The following CRIM1 variants were observed in gnomAD, a reference collection of about 807,000 sequenced individuals.
CRIM1 encodes the protein cysteine rich transmembrane BMP regulator 1.
In CRIM1, 32 loss-of-function variants were observed where a neutral mutation model predicts 116.4. The observed-to-expected ratio is 0.27, with a 90% CI of 0.21 to 0.37. The LOEUF is 0.37. Among genes scored for constraint, CRIM1 ranks in the 10% least tolerant of loss-of-function variants. The pLI, the probability that CRIM1 is intolerant of heterozygous loss-of-function variation, is 1.00. For synonymous variants in CRIM1, 590 were observed against 509.2 expected (o/e 1.16, Z -2.13); for missense variants, 1,331 against 1,354.8 (o/e 0.98, Z 0.28).
intron 2 of CRIM1, among the ~76,000 whole-genome samples, chr2:36,427,687 G>C (rs1344638506): frequency 6.6e-6 from 1 of 152,174 alleles, no homozygotes; most frequent in African/African-American, 2.4e-5. Context: ...TAAACTTCTG[G>C]GGATTCAGTT....
At chr2:36,519,167 A>G (rs775000110) in intron 12 of CRIM1, among the ~76,000 whole-genome samples, 3 of 152,180 alleles carry the variant, frequency 2.0e-5, no homozygotes, top group Non-Finnish European at 4.4e-5. Context: ...TGCCTCCAGG[A>G]CCACTAGCTG....
At chr2:36,521,917 T>C (rs955507297) in intron 12 of CRIM1, among the ~76,000 whole-genome samples, 175 bp from the exon 13 acceptor site, 11 of 152,236 alleles carry the variant, frequency 7.2e-5, no homozygotes, top group African/African-American at 2.7e-4. Context: ...ATCTTTGTTA[T>C]TTTGTTTAAA....
rs767819571 is a variant in CRIM1, at chr2:36,356,258, C to G, written c.-35C>G. On this transcript the variant is annotated 5_prime_UTR_variant, in exon 1 of 17. Coordinates refer to ENST00000280527, the MANE Select transcript of CRIM1 (RefSeq NM_016441.3). This position sits in a 1 kb window ranked among gnomAD's most constrained non-coding sequence, Gnocchi z 4.3. ...GAGGGCGCCCGCCCCGCTCCCGGCC[C>G]GGCTGCGAGGAGGAGGCGGCGGCGG... The G allele has an allele frequency of 9.5e-5, 122 of 1,282,368 alleles. 1 individual carries two copies. The highest frequency in any genetic ancestry group is 4.1e-4 in the African/African-American group (26 of 63,586). The allele number at this position is 1,282,368 out of a possible 1,614,324, so 79.4% of individuals were successfully genotyped here.
chr2:36,356,209 G>C lies in CRIM1; in HGVS notation c.-84G>C. 1 of 601,596 alleles carries C rather than the reference G, an allele frequency of 1.7e-6. No individual in the cohort carries two copies. The highest frequency in any genetic ancestry group is 2.3e-6 in the Non-Finnish European group (1 of 426,722). 37.3% of individuals were successfully genotyped at this position (601,596 alleles called of 1,614,324 possible). ...ACCGCGGGCTGCTGGTGCGGCGGCG[G>C]CGGCGCGTGTGCCCCGCGCAGGGGA... On this transcript the variant is annotated 5_prime_UTR_variant, in exon 1 of 17. Coordinates refer to ENST00000280527, the MANE Select transcript of CRIM1 (RefSeq NM_016441.3). This position sits in a 1 kb window ranked among gnomAD's most constrained non-coding sequence, Gnocchi z 4.3.
intron 2 of CRIM1, among the ~76,000 whole-genome samples, chr2:36,418,861 T>C (rs1673833706): frequency 6.6e-6 from 1 of 152,140 alleles, no homozygotes; most frequent in Admixed American, 6.6e-5. Flanking sequence ...CTAGGCACCT[T>C]CCTTGCCCTC....
intron 2 of CRIM1, among the ~76,000 whole-genome samples, chr2:36,440,313 CT>C (rs1675704758): frequency 6.6e-6 from 1 of 152,230 alleles, no homozygotes; most frequent in Admixed American, 6.5e-5. Context: ...CCAATTAACA[CT>C]TACGGAAACA....
chr2:36,485,431 T>G (rs185186246), intron 7 of CRIM1, among the ~76,000 whole-genome samples: 102 of 152,340 alleles, frequency 6.7e-4, no homozygotes, highest in Admixed American at 2.2e-3. Context: ...TATTGTCGTC[T>G]TCTTCATCAA....
intron 2 of CRIM1, among the ~76,000 whole-genome samples, chr2:36,433,437 T>C (rs1229591734): frequency 2.0e-5 from 3 of 152,224 alleles, no homozygotes; most frequent in Non-Finnish European, 4.4e-5. Flanking sequence ...GGCTCAGTGC[T>C]TCTTTGGCAC....
intron 8 of CRIM1, among the ~76,000 whole-genome samples, chr2:36,501,438 G>C (rs1478810622): frequency 6.6e-6 from 1 of 152,156 alleles, no homozygotes; most frequent in Non-Finnish European, 1.5e-5. Flanking sequence ...ACGCCTGTTG[G>C]CCAGGCGTGG....
chr2:36,498,544 C>T (rs80311910), intron 7 of CRIM1, among the ~76,000 whole-genome samples: 2,246 of 152,230 alleles, frequency 0.015, 53 homozygotes, highest in African/African-American at 0.052. Flanking sequence ...TATGGTAAAG[C>T]GTCACCTCTG....
intron 2 of CRIM1, among the ~76,000 whole-genome samples, chr2:36,420,573 T>G (rs1163135964): frequency 6.6e-6 from 1 of 152,214 alleles, no homozygotes; most frequent in East Asian, 1.9e-4. Flanking sequence ...GGGTCTTAAG[T>G]GCCATTTGAG....
chr2:36,422,983 C>T (rs1674183082), intron 2 of CRIM1, among the ~76,000 whole-genome samples: 1 of 152,128 alleles, frequency 6.6e-6, no homozygotes, highest in Non-Finnish European at 1.5e-5. Context: ...TTCAAATGAG[C>T]TTTTAAGCAT....
chr2:36,467,243 G>C (rs6754314), intron 5 of CRIM1, among the ~76,000 whole-genome samples: 2,109 of 152,262 alleles, frequency 0.014, 46 homozygotes, highest in African/African-American at 0.049. Context: ...GTGGAACTGT[G>C]TCTATTGATA....
Position 36,397,022 on chromosome 2 carries a change from T to C in CRIM1, c.505+235T>C, listed in dbSNP as rs554557442. The stretch of plus-strand genomic sequence containing the variant: ...TGAGCAGGGCCCTCTGTGCCAGCCC[T>C]CCTAGGCCACCTCTGCATAATGGAT... On this transcript the variant is annotated intron_variant, in intron 2 of 16. Coordinates refer to ENST00000280527, the MANE Select transcript of CRIM1 (RefSeq NM_016441.3). Among the ~76,000 whole-genome samples, 4 of 152,288 alleles carry C rather than the reference T, an allele frequency of 2.6e-5. No individual in the cohort carries two copies. In the East Asian group the frequency reaches 7.7e-4, roughly 29 times the overall value.
chr2:36,448,254 T>C (rs936625095), intron 4 of CRIM1, among the ~76,000 whole-genome samples: 6 of 152,236 alleles, frequency 3.9e-5, no homozygotes, highest in African/African-American at 1.4e-4. Context: ...ATGGTTGAGC[T>C]TACCTGAGAG....
chr2:36,407,819 G>C (rs189331350), intron 2 of CRIM1, among the ~76,000 whole-genome samples: 1 of 152,196 alleles, frequency 6.6e-6, no homozygotes, highest in Admixed American at 6.5e-5. Flanking sequence ...AAAAGGATTG[G>C]TATAAAAAAC....
Position 36,548,805 on chromosome 2 carries a change from G to A in CRIM1, c.*104G>A. The stretch of plus-strand genomic sequence containing the variant: ...CTTGCTTAGTGGATTGTATTGGATT[G>A]TGACTTGATGTACAGCGCTAAGACC... On this transcript the variant is annotated 3_prime_UTR_variant, in exon 17 of 17. Coordinates refer to ENST00000280527, the MANE Select transcript of CRIM1 (RefSeq NM_016441.3). 1 of 937,244 alleles carries A rather than the reference G, an allele frequency of 1.1e-6. No homozygotes were observed. The highest frequency in any genetic ancestry group is 1.6e-6 in the Non-Finnish European group (1 of 624,102). 58.1% of individuals were successfully genotyped at this position (937,244 alleles called of 1,614,324 possible).
intron 2 of CRIM1, among the ~76,000 whole-genome samples, chr2:36,400,404 C>T (rs1247500152): frequency 6.6e-6 from 1 of 152,016 alleles, no homozygotes; most frequent in Non-Finnish European, 1.5e-5. Flanking sequence ...GTGCCTCTAC[C>T]AATGATGAAG....
At chr2:36,508,646 A>C (rs1302154343) in intron 8 of CRIM1, among the ~76,000 whole-genome samples, 1 of 152,176 alleles carries the variant, frequency 6.6e-6, no homozygotes, top group Non-Finnish European at 1.5e-5. Flanking sequence ...TTGTCTTTCA[A>C]ATTCTATATT....
Sources: gnomAD v4.1 joint callset for allele counts (sites outside exome capture counted in the v4.1 genomes callset) on GRCh38, gnomAD v4.1.1 for gene constraint, Gnocchi (gnomAD v3.1) non-coding constraint, MANE v1.5 for transcripts, NCBI Gene and HGNC (gene_info 2026-07-23, HGNC 2026-07-21) for gene names.